STRA6: variants seen among roughly 807,000 people sequenced by gnomAD.
STRA6 encodes receptor for retinol uptake STRA6.
Under a neutral mutation model 83.6 loss-of-function variants are expected in STRA6, and 48 were observed. The ratio of observed to expected loss-of-function variants is 0.57; its 90% CI spans 0.46 to 0.73. The LOEUF (loss-of-function observed/expected upper bound fraction) is 0.73. Among genes scored for constraint, STRA6 ranks in the 30% least tolerant of loss-of-function variants. The pLI is 0.00. For synonymous variants in STRA6, 353 were observed against 362.3 expected (o/e 0.97, Z 0.29); for missense variants, 760 against 838.8 (o/e 0.91, Z 1.16).
chr15:74,185,383 T>G (rs974041896), intron 12 of STRA6, among the ~76,000 whole-genome samples: 2 of 152,260 alleles, frequency 1.3e-5, no homozygotes, highest in African/African-American at 4.8e-5. Flanking sequence ...CACTGCTTCT[T>G]GGCCATGTGG....
At chr15:74,186,481 C>T (rs1382207925) in intron 12 of STRA6, among the ~76,000 whole-genome samples, 1 of 152,050 alleles carries the variant, frequency 6.6e-6, no homozygotes, top group Non-Finnish European at 1.5e-5. Flanking sequence ...GGTGGCGGGC[C>T]CCTGTAATCC....
At chr15:74,181,865 G>A (rs534064796) in intron 16 of STRA6, among the ~76,000 whole-genome samples, 36 of 152,200 alleles carry the variant, frequency 2.4e-4, no homozygotes, top group South Asian at 6.2e-4. Context: ...TACAAAGTGG[G>A]GAGGGGCATG....
At chr15:74,202,303 A>G (rs2074109781) in intron 1 of STRA6, 21 bp from the exon 2 acceptor site, 1 of 1,564,046 alleles carries the variant, frequency 6.4e-7, no homozygotes, top group African/African-American at 1.4e-5. Context: ...AGGCGAGAGA[A>G]AAAAAAAGCC....
upstream of STRA6, chr15:74,209,342 AG>A (rs1454511642): frequency 2.0e-6 from 3 of 1,528,662 alleles, no homozygotes; most frequent in Non-Finnish European, 2.6e-6. Flanking sequence ...AGAGAAGCTG[AG>A]GAACCCCCTA....
chr15:74,206,115 A>G (rs2074256183), upstream of STRA6, among the ~76,000 whole-genome samples: 1 of 152,138 alleles, frequency 6.6e-6, no homozygotes, highest in Non-Finnish European at 1.5e-5. Context: ...AACTCTCCCC[A>G]CAAGGCCCCC....
upstream of STRA6, among the ~76,000 whole-genome samples, chr15:74,206,988 C>T (rs1311366524): frequency 6.6e-6 from 1 of 152,248 alleles, no homozygotes; most frequent in African/African-American, 2.4e-5. Flanking sequence ...CTTCTGGACT[C>T]TGAGCCAGTG....
Position 74,182,420 on chromosome 15 carries a change from C to T in STRA6, c.1341G>A (p.Thr447=), listed in dbSNP as rs368073018. 2.5e-5 allele frequency: 40 copies of T among 1,612,350 alleles called. No individual in the cohort carries two copies. Among genetic ancestry groups the T allele is most frequent in the Middle Eastern group, 1.7e-4 (1 of 6,040 alleles). The change falls in exon 15 of 19, where the codon ACG becomes ACA. Residue 447 remains threonine, a synonymous_variant. Transcript: ENST00000395105. Reference sequence around the variant, plus strand: ...GCATGAGCACCAGGAAGGCCAGGGCCGTGGTTCCCAGGAAGAAGATGATCT... The same window carrying T: ...GCATGAGCACCAGGAAGGCCAGGGCTGTGGTTCCCAGGAAGAAGATGATCT... ...VQQIIFFLGT[T]ALAFLVLMPV...
In STRA6 at chr15:74,180,102, C is replaced by T. The variant is rs751380483; in HGVS notation, c.1982G>A (p.Gly661Asp). 1 of 1,613,336 alleles carries T rather than the reference C, an allele frequency of 6.2e-7. No individual in the cohort carries two copies. The highest frequency in any genetic ancestry group is 1.1e-5 in the South Asian group (1 of 91,040). Reference sequence around the variant, plus strand: ...CCCTCAGGGCTGGGCACCATTGGCACCCAACAGGGCCGTCTTGCGGAAGAC... The same window carrying T: ...CCCTCAGGGCTGGGCACCATTGGCATCCAACAGGGCCGTCTTGCGGAAGAC... The part of the protein sequence containing the change: ...LQVFRKTALL[G>D]ANGAQP The change falls in exon 19 of 19, where the codon GGT (glycine) becomes GAT (aspartate). Residue 661 changes from glycine (G) to aspartate (D), a missense_variant. Gly to Asp is a moderately conservative substitution (Grantham distance 94). Transcript: ENST00000395105.
chr15:74,181,334 G>A lies in STRA6; in HGVS notation c.1645C>T (p.Leu549Phe). 6.2e-7 allele frequency: 1 copy of A among 1,608,194 alleles called. No individual in the cohort carries two copies. Among genetic ancestry groups the A allele is most frequent in the Non-Finnish European group, 8.5e-7 (1 of 1,177,984 alleles). ...GCGGCTCTCGGTGGCAGCAGGCTGA[G>A]GTCCATCTGGCCAAGGTGGATGGCG... is the stretch of plus-strand genomic sequence containing the variant. The part of the protein sequence containing the change: ...YNAIHLGQMD[L>F]SLLPPRAATL... The change falls in exon 17 of 19, where the codon CTC (leucine) becomes TTC (phenylalanine). Residue 549 changes from leucine (L) to phenylalanine (F), a missense_variant. Coordinates refer to ENST00000395105, the MANE Select transcript of STRA6 (RefSeq NM_022369.4).
intron 1 of STRA6, among the ~76,000 whole-genome samples, chr15:74,208,531 C>T (rs1567203939): frequency 6.6e-6 from 1 of 152,130 alleles, no homozygotes; most frequent in Non-Finnish European, 1.5e-5. Context: ...AACCTTTTGC[C>T]CACAGCCAGT....
chr15:74,180,553 A>G (rs2072923842), intron 18 of STRA6, among the ~76,000 whole-genome samples: 1 of 152,178 alleles, frequency 6.6e-6, no homozygotes, highest in Non-Finnish European at 1.5e-5. Context: ...TTAGGAAGGC[A>G]GCTGTTTCAT....
At chr15:74,193,744 G>A (rs942084559) in intron 8 of STRA6, 56 bp downstream of exon 8, 72 of 1,607,832 alleles carry the variant, frequency 4.5e-5, no homozygotes, top group Non-Finnish European at 6.1e-5. Flanking sequence ...CAGATACGGG[G>A]GAGTAGGGCT....
upstream of STRA6, chr15:74,203,239 G>A (rs2074166560): frequency 1.0e-6 from 1 of 983,050 alleles, no homozygotes; most frequent in South Asian, 4.7e-5. Flanking sequence ...GATTTCACAA[G>A]GAGATAACTC....
In STRA6 at chr15:74,182,389, G is replaced by A. The variant is rs201415297; in HGVS notation, c.1372C>T (p.Leu458Phe). The A allele has an allele frequency of 6.2e-7, 1 of 1,613,768 alleles. No individual in the cohort carries two copies. ...AAGAGCAGGAGGTTCCTGCCATGGAGCACAGGCATGAGCACCAGGAAGGCC... is the reference window on the plus strand; with the variant it reads ...AAGAGCAGGAGGTTCCTGCCATGGAACACAGGCATGAGCACCAGGAAGGCC... ...ALAFLVLMPVLHGRNLLLFRS... is the reference protein window; with the variant it reads ...ALAFLVLMPVFHGRNLLLFRS... Residue 458 changes from leucine to phenylalanine, a missense_variant, in exon 15 of 19, where the codon CTC (leucine) becomes TTC (phenylalanine). Coordinates refer to ENST00000395105, the MANE Select transcript of STRA6 (RefSeq NM_022369.4).
At chr15:74,187,649 T>C (rs351234) in intron 12 of STRA6, among the ~76,000 whole-genome samples, 2,081 of 152,172 alleles carry the variant, frequency 0.014, 56 homozygotes, top group African/African-American at 0.047. Context: ...CAAGGGACAC[T>C]GGAGCCCAGG....
rs572856316 is a variant in STRA6 at position 74,179,651 on chromosome 15, G to A, written c.*429C>T. Reference sequence around the variant, plus strand: ...AGCTTTCCGGCCACTCCCCAGAGAGGTCCGTGGCGCTGAGGGGGTGAGGAA... The same window carrying A: ...AGCTTTCCGGCCACTCCCCAGAGAGATCCGTGGCGCTGAGGGGGTGAGGAA... On this transcript the variant is annotated 3_prime_UTR_variant, in exon 19 of 19. Transcript: ENST00000395105. 434 of 176,194 alleles carry A rather than the reference G, an allele frequency of 2.5e-3. 2 individuals carry two copies. The highest frequency in any genetic ancestry group is 9.8e-3 in the African/African-American group (415 of 42,376). 10.9% of individuals were successfully genotyped at this position (176,194 alleles called of 1,614,324 possible).
Position 74,202,141 on chromosome 15 carries a change from G to C in STRA6, c.113+14C>G. On this transcript the variant is annotated intron_variant, in intron 2 of 18. Transcript: ENST00000395105. ...GATGGCTGACAGAGTGAGGTGGGGT[G>C]GTTCCACACTTACCCCTCTGGCTGG... 3 of 1,479,248 alleles carry C rather than the reference G, an allele frequency of 2.0e-6. No homozygotes were observed. The Admixed American group carries it at 7.3e-5, about 36-fold the overall frequency. The allele number at this position is 1,479,248 out of a possible 1,614,324, so 91.6% of individuals were successfully genotyped here.
At chr15:74,208,162 T>A in intron 1 of STRA6, 2 of 719,222 alleles carry the variant, frequency 2.8e-6, no homozygotes, top group Non-Finnish European at 3.7e-6. Context: ...CCCAGAGGGC[T>A]AGGCTAGTAC....
At chr15:74,209,398 C>T (rs184924574), upstream of STRA6, 816 of 1,535,646 alleles carry the variant, frequency 5.3e-4, no homozygotes, top group Non-Finnish European at 5.9e-4. Flanking sequence ...GGGGCCACTG[C>T]CTGATGAATT....
Sources: allele counts gnomAD v4.1 joint callset (sites outside exome capture counted in the v4.1 genomes callset), GRCh38; gene constraint gnomAD v4.1.1; transcripts MANE v1.5; gene names NCBI Gene and HGNC (gene_info 2026-07-23, HGNC 2026-07-21).